Variants in SYNE1 observed in about 807,000 individuals in gnomAD.
SYNE1 encodes spectrin repeat containing nuclear envelope protein 1, also known as nesprin-1.
SYNE1 carries 616 observed loss-of-function variants against 1,111.0 expected under a neutral mutation model. The observed-to-expected ratio is 0.55, with a 90% CI of 0.52 to 0.59. The LOEUF (loss-of-function observed/expected upper bound fraction) is 0.59, where lower values mean the gene tolerates loss of function less well. Among genes scored for constraint, SYNE1 ranks in the 20% least tolerant of loss-of-function variants. SYNE1 has a pLI of 0.00. For missense variants in SYNE1, 10,006 were observed against 10,417.0 expected (o/e 0.96, Z 1.72); for synonymous variants, 3,855 against 3,825.8 (o/e 1.01, Z -0.28).
intron 131 of SYNE1, among the ~76,000 whole-genome samples, chr6:152,162,134 C>T (rs967244051): frequency 6.6e-6 from 1 of 152,228 alleles, no homozygotes; most frequent in African/African-American, 2.4e-5. Flanking sequence ...AGTCTCAGCA[C>T]ACCTTATTCA....
intron 145 of SYNE1, chr6:152,126,699 A>C (rs543885328): frequency 4.6e-5 from 7 of 152,184 alleles, no homozygotes; most frequent in Non-Finnish European, 8.8e-5. Context: ...TCTCTGTCCC[A>C]AAATACCTAG....
intron 4 of SYNE1, among the ~76,000 whole-genome samples, chr6:152,530,781 C>T (rs1461355672): frequency 6.6e-6 from 1 of 152,016 alleles, no homozygotes; most frequent in Non-Finnish European, 1.5e-5. Context: ...ACCACCACAC[C>T]CAGCTAATTT....
intron 91 of SYNE1, among the ~76,000 whole-genome samples, chr6:152,303,917 A>T (rs984737028): frequency 6.6e-6 from 1 of 152,148 alleles, no homozygotes. Flanking sequence ...ACACACACAC[A>T]CACACACACA....
At chr6:152,331,919 A>T (rs1271379104) in intron 77 of SYNE1, 29 bp from the exon 78 acceptor site, 1 of 1,605,640 alleles carries the variant, frequency 6.2e-7, no homozygotes, top group East Asian at 2.2e-5. Flanking sequence ...GTATAAGAGC[A>T]AATTAGCTGT....
chr6:152,250,822 A>G (rs2088955838), intron 104 of SYNE1, among the ~76,000 whole-genome samples: 2 of 152,340 alleles, frequency 1.3e-5, no homozygotes, highest in Admixed American at 6.5e-5. Flanking sequence ...AGAAGCCTAC[A>G]TTATCTACAT....
In SYNE1 at chr6:152,149,547, T is replaced by G. The variant is rs1478294840; in HGVS notation, c.24572A>C (p.Glu8191Ala). The G allele has an allele frequency of 6.2e-7, 1 of 1,614,180 alleles. No individual in the cohort carries two copies. Among genetic ancestry groups the G allele is most frequent in the Non-Finnish European group, 8.5e-7 (1 of 1,180,032 alleles). Reference protein sequence around the residue: ...DAAIIEEELDELRRYCQEVFG... With the variant: ...DAAIIEEELDALRRYCQEVFG... The stretch of plus-strand genomic sequence containing the variant: ...GACCTCCTGGCAGTACCGTCGGAGC[T>G]CATCTAGTTCCTCCTCGATGATCGC... The change falls in exon 136 of 146, where the codon GAG (glutamate) becomes GCG (alanine). Residue 8191 changes from glutamate to alanine, a missense_variant. Physicochemically the swap from Glu to Ala is moderately radical, Grantham distance 107. Coordinates refer to ENST00000367255, the MANE Select transcript of SYNE1 (RefSeq NM_182961.4).
chr6:152,520,601 T>C, intron 5 of SYNE1, 59 bp from the exon 6 acceptor site: 1 of 1,545,544 alleles, frequency 6.5e-7, no homozygotes, highest in Non-Finnish European at 8.9e-7. Context: ...AAATGTTAGT[T>C]ATAAGATCTA....
At chr6:152,201,481 T>C (rs1376529015) in intron 127 of SYNE1, among the ~76,000 whole-genome samples, 6 of 152,046 alleles carry the variant, frequency 3.9e-5, no homozygotes, top group Non-Finnish European at 8.8e-5. Context: ...TCCTTTTTTT[T>C]TTTTTTCCTT....
At position 152,560,816 on chromosome 6, in the gene SYNE1, G is replaced by A. The variant is rs571119841; in HGVS notation, c.68-20795C>T. ...AATAATAGAATGAAAGATAAAAGTC[G>A]TATGATCATCTCAATAGATGCATGA... is the stretch of plus-strand genomic sequence containing the variant. On this transcript the variant is annotated intron_variant, in intron 3 of 145. Coordinates refer to ENST00000367255, the MANE Select transcript of SYNE1 (RefSeq NM_182961.4). 5.3e-4 allele frequency among the ~76,000 whole-genome samples: 81 copies of A among 152,118 alleles called. 1 individual carries two copies. The highest frequency in any genetic ancestry group is 3.4e-3 in the Middle Eastern group (1 of 294).
In SYNE1 at chr6:152,350,318, C is replaced by T; in HGVS notation, c.11751G>A (p.Leu3917=). 6.2e-7 allele frequency: 1 copy of T among 1,614,146 alleles called. No individual in the cohort carries two copies. Among genetic ancestry groups the T allele is most frequent in the Non-Finnish European group, 8.5e-7 (1 of 1,180,038 alleles). ...CTTCATGGTCTTTGACTTTCGCCTC[C>T]AGACTGAAGACATGCTCCTGCAAAA... is the stretch of plus-strand genomic sequence containing the variant. ...CSIGKEHVFS[L]EAKVKDHEDY... The change falls in exon 72 of 146, where the codon CTG becomes CTA. Residue 3917 remains leucine (L), a synonymous_variant. Transcript: ENST00000367255.
chr6:152,411,259 G>A lies in SYNE1; in HGVS notation c.6231-1550C>T, dbSNP rs145001752. ...TCTATTTCTGGACTGTGTTCCACTC[G>A]TTTATATGTTTATCCTTCAGCCTGT... On this transcript the variant is annotated intron_variant, in intron 42 of 145. Coordinates refer to ENST00000367255, the MANE Select transcript of SYNE1 (RefSeq NM_182961.4). Among the ~76,000 whole-genome samples, 128 of 152,204 alleles carry A rather than the reference G, an allele frequency of 8.4e-4. No homozygotes were observed. In the South Asian group the frequency reaches 0.016, roughly 19 times the overall value.
chr6:152,192,865 C>T (rs1040045921), intron 127 of SYNE1, among the ~76,000 whole-genome samples: 1 of 151,926 alleles, frequency 6.6e-6, no homozygotes, highest in Non-Finnish European at 1.5e-5. Context: ...CCTATTTTGT[C>T]TGATATAAGT....
At position 152,369,581 on chromosome 6, in the gene SYNE1, T is replaced by A. The variant is rs2097142302; in HGVS notation, c.9541A>T (p.Ser3181Cys). Residue 3181 changes from serine (S) to cysteine (C), a missense_variant, in exon 60 of 146, where the codon AGT becomes TGT. Transcript: ENST00000367255. ...LKIQMKDFEVSAEPIQDWLSK... is the reference protein window; with the variant it reads ...LKIQMKDFEVCAEPIQDWLSK... The stretch of plus-strand genomic sequence containing the variant: ...AGCCAGTCCTGGATAGGCTCAGCAC[T>A]TACTTCAAAGTCCTTCATTTGGATC... 1 of 1,614,062 alleles carries A rather than the reference T, an allele frequency of 6.2e-7. No homozygotes were observed. The highest frequency in any genetic ancestry group is 8.5e-7 in the Non-Finnish European group (1 of 1,180,030).
intron 72 of SYNE1, among the ~76,000 whole-genome samples, chr6:152,349,129 A>C (rs1450892085): frequency 2.6e-5 from 4 of 152,262 alleles, no homozygotes; most frequent in Admixed American, 6.5e-5. Flanking sequence ...ACTGTCAGAC[A>C]CTGACCACAT....
At chr6:152,217,988 G>A (rs900448002) in intron 121 of SYNE1, among the ~76,000 whole-genome samples, 3 of 152,178 alleles carry the variant, frequency 2.0e-5, no homozygotes, top group African/African-American at 7.2e-5. Context: ...TGGGAGGCCT[G>A]ACCTCGGGTG....
rs2092878526 is a variant in SYNE1 at position 152,268,134 on chromosome 6, C to T, written c.18737G>A (p.Ser6246Asn). 1.2e-6 allele frequency: 2 copies of T among 1,614,162 alleles called. No homozygotes were observed. Among genetic ancestry groups the T allele is most frequent in the Non-Finnish European group, 1.7e-6 (2 of 1,180,018 alleles). Reference sequence around the variant, plus strand: ...ACGACTGGCTACTGAGCGAAGGAGACTCTTCTGCTCGGCTAATTCCTGTTC... The same window carrying T: ...ACGACTGGCTACTGAGCGAAGGAGATTCTTCTGCTCGGCTAATTCCTGTTC... ...ELEQELAEQK[S>N]LLRSVASRGE... The change falls in exon 100 of 146, where the codon AGT (serine) becomes AAT (asparagine). Residue 6246 changes from serine (S) to asparagine (N), a missense_variant. By Grantham distance (46) the Ser-to-Asn change is conservative. Transcript: ENST00000367255.
At chr6:152,285,059 C>G (rs73007766) in intron 95 of SYNE1, among the ~76,000 whole-genome samples, 1 of 152,126 alleles carries the variant, frequency 6.6e-6, no homozygotes, top group Non-Finnish European at 1.5e-5. Context: ...ACCCAGACAC[C>G]TGCCCTAAGT....
At chr6:152,472,137 T>C (rs536871127) in intron 15 of SYNE1, 164 bp downstream of exon 15, 7 of 647,280 alleles carry the variant, frequency 1.1e-5, no homozygotes, top group Admixed American at 2.9e-5. Context: ...TAATAATACA[T>C]TAGAATGGTG....
chr6:152,553,279 A>C (rs2099354032), intron 3 of SYNE1, among the ~76,000 whole-genome samples: 1 of 152,100 alleles, frequency 6.6e-6, no homozygotes, highest in Non-Finnish European at 1.5e-5. Flanking sequence ...TCACGTCCAA[A>C]TTGCCCATTG....
Sources: allele counts gnomAD v4.1 joint callset (sites outside exome capture counted in the v4.1 genomes callset), GRCh38; gene constraint gnomAD v4.1.1; transcripts MANE v1.5; gene names NCBI Gene and HGNC (gene_info 2026-07-23, HGNC 2026-07-21).